CHRM3: variants seen among roughly 807,000 people sequenced by gnomAD.
CHRM3 encodes the protein cholinergic receptor muscarinic 3, also known as muscarinic acetylcholine receptor M3.
CHRM3 carries 11 observed loss-of-function variants against 41.8 expected under a neutral mutation model. The ratio of observed to expected loss-of-function variants is 0.26; its 90% CI spans 0.17 to 0.44. The LOEUF is 0.44. Ranked by LOEUF, CHRM3 falls within the 20% of genes least tolerant of loss-of-function variation. The probability of loss-of-function intolerance (pLI) is 1.00; values close to 1 mark genes in which losing one functional copy is unlikely to be tolerated. For missense variants in CHRM3, 571 were observed against 745.4 expected, an observed-to-expected ratio of 0.77 and a Z score of 2.72; for synonymous variants, 297 against 301.4, an observed-to-expected ratio of 0.99 and a Z score of 0.15.
chr1:239,801,200 G>A (rs1438967661), intron 5 of CHRM3, among the ~76,000 whole-genome samples: 1 of 152,158 alleles, frequency 6.6e-6, no homozygotes, highest in East Asian at 1.9e-4. Context: ...TCATACTATT[G>A]TTGATCCAAT....
chr1:239,576,559 A>G (rs1662362667), intron 3 of CHRM3, among the ~76,000 whole-genome samples: 1 of 150,190 alleles, frequency 6.7e-6, no homozygotes, highest in African/African-American at 2.4e-5. Flanking sequence ...TCAGGGAAAC[A>G]GCAAAACATC....
chr1:239,718,529 A>T (rs1467972499), intron 5 of CHRM3, among the ~76,000 whole-genome samples: 1 of 152,006 alleles, frequency 6.6e-6, no homozygotes, highest in Non-Finnish European at 1.5e-5. Flanking sequence ...CACCTGGTAC[A>T]TGGAGTTTTG....
chr1:239,773,445 T>A (rs1667846418), intron 5 of CHRM3, among the ~76,000 whole-genome samples: 1 of 152,202 alleles, frequency 6.6e-6, no homozygotes, highest in African/African-American at 2.4e-5. Context: ...TACTTAACCC[T>A]GGCATTAAGA....
chr1:239,674,155 C>T (rs553011367), intron 4 of CHRM3, among the ~76,000 whole-genome samples: 6 of 152,000 alleles, frequency 3.9e-5, no homozygotes, highest in East Asian at 1.9e-4. Flanking sequence ...TTCCTAGGAA[C>T]GCCATTTTTT....
chr1:239,445,206 A>G (rs1664037064), intron 1 of CHRM3, among the ~76,000 whole-genome samples: 1 of 152,214 alleles, frequency 6.6e-6, no homozygotes, highest in Admixed American at 6.5e-5. Context: ...GGGCAATGCT[A>G]GCTGGTCTAA....
At chr1:239,477,422 C>T (rs1023515126) in intron 1 of CHRM3, among the ~76,000 whole-genome samples, 1 of 152,158 alleles carries the variant, frequency 6.6e-6, no homozygotes, top group Non-Finnish European at 1.5e-5. Flanking sequence ...AAAATCCATT[C>T]AAGACCTGGC....
intron 5 of CHRM3, among the ~76,000 whole-genome samples, chr1:239,680,964 C>T (rs1658503728): frequency 6.6e-6 from 1 of 151,854 alleles, no homozygotes; most frequent in Admixed American, 6.6e-5. Context: ...GCTGGGGAGG[C>T]CTCAAATCAT....
chr1:239,531,274 C>T (rs530728615), intron 2 of CHRM3, among the ~76,000 whole-genome samples: 5 of 152,154 alleles, frequency 3.3e-5, no homozygotes, highest in African/African-American at 1.2e-4. Context: ...CTACAGTAAT[C>T]AAGGCAGTGT....
chr1:239,426,487 AAAG>A (rs373752645), intron 1 of CHRM3, among the ~76,000 whole-genome samples: 9,098 of 147,846 alleles, frequency 0.062, 320 homozygotes, highest in African/African-American at 0.1. Flanking sequence ...AAAAAAAAAG[AAAG>A]AAAAAATCCA....
At chr1:239,836,417 TTTCA>T (rs1673321679) in intron 6 of CHRM3, among the ~76,000 whole-genome samples, 2 of 152,156 alleles carry the variant, frequency 1.3e-5, no homozygotes, top group African/African-American at 4.8e-5. Flanking sequence ...TATAAATGTA[TTTCA>T]ATTGATAAAA....
intron 3 of CHRM3, among the ~76,000 whole-genome samples, chr1:239,561,124 C>T (rs1267211520): frequency 6.6e-6 from 1 of 152,168 alleles, no homozygotes; most frequent in Non-Finnish European, 1.5e-5. Flanking sequence ...AGTAACCTTT[C>T]ACCTGTTTTC....
chr1:239,842,703 G>T (rs1673917865), intron 6 of CHRM3, among the ~76,000 whole-genome samples: 1 of 152,084 alleles, frequency 6.6e-6, no homozygotes, highest in Admixed American at 6.6e-5. Context: ...AAGTTAGAAG[G>T]ATCATCTAGG....
At position 239,582,824 on chromosome 1, in the gene CHRM3, G is replaced by A. The variant is rs138962054; in HGVS notation, c.-313+37075G>A. On this transcript the variant is annotated intron_variant, in intron 3 of 6. Transcript: ENST00000676153. ...TTCCAAAATCACATGGGATCGAGCC[G>A]TGAGTTTGCTCAGAACTCTCCAGTG... Among the ~76,000 whole-genome samples the A allele has an allele frequency of 2.5e-3, 376 of 152,246 alleles. 2 individuals carry two copies. The highest frequency in any genetic ancestry group is 8.5e-3 in the African/African-American group (353 of 41,548).
chr1:239,637,047 G>A (rs917860409), intron 4 of CHRM3, among the ~76,000 whole-genome samples: 16 of 152,092 alleles, frequency 1.1e-4, no homozygotes, highest in Non-Finnish European at 2.1e-4. Flanking sequence ...AAAAAGTATT[G>A]GGAGGAATAG....
At chr1:239,602,110 G>GTATATATATATATATATA (rs1186014237) in intron 3 of CHRM3, among the ~76,000 whole-genome samples, 2 of 112,858 alleles carry the variant, frequency 1.8e-5, no homozygotes, top group African/African-American at 3.4e-5. Flanking sequence ...GTGTGTGTGT[G>GTATATATATATATATATA]TATATATATA....
At chr1:239,780,150 A>C (rs564778245) in intron 5 of CHRM3, among the ~76,000 whole-genome samples, 48 of 152,330 alleles carry the variant, frequency 3.2e-4, no homozygotes, top group Middle Eastern at 3.4e-3. Flanking sequence ...ATACCAAGTA[A>C]TGTGATTGCC....
intron 5 of CHRM3, among the ~76,000 whole-genome samples, chr1:239,812,007 T>G (rs1410564114): frequency 6.6e-6 from 1 of 152,234 alleles, no homozygotes; most frequent in African/African-American, 2.4e-5. Flanking sequence ...TTCATTTGTT[T>G]AATAAAAAAG....
intron 5 of CHRM3, among the ~76,000 whole-genome samples, chr1:239,754,709 A>G (rs184145589): frequency 1.3e-5 from 2 of 152,344 alleles, no homozygotes; most frequent in African/African-American, 4.8e-5. Context: ...TCAGGACCCA[A>G]AGAACCCTAC....
chr1:239,540,046 G>A (rs1435991115), intron 2 of CHRM3, among the ~76,000 whole-genome samples: 1 of 152,174 alleles, frequency 6.6e-6, no homozygotes, highest in Non-Finnish European at 1.5e-5. Flanking sequence ...GTGCAATAGG[G>A]TTTATGATAG....
Sources: gnomAD v4.1 joint callset for allele counts (sites outside exome capture counted in the v4.1 genomes callset) on GRCh38, gnomAD v4.1.1 for gene constraint, MANE v1.5 for transcripts, NCBI Gene and HGNC (gene_info 2026-07-23, HGNC 2026-07-21) for gene names.